WNK3: variants seen among roughly 807,000 people sequenced by gnomAD.
The protein encoded by WNK3 is serine/threonine-protein kinase WNK3.
A neutral mutation model predicts 116.7 loss-of-function variants in WNK3; 18 were observed. The observed-to-expected ratio is 0.15, with a 90% CI of 0.11 to 0.23. The LOEUF (loss-of-function observed/expected upper bound fraction) is 0.23. Among genes scored for constraint, WNK3 ranks in the 10% least tolerant of loss-of-function variants. The pLI is 1.00. For missense variants in WNK3, 993 were observed against 1,323.8 expected, an observed-to-expected ratio of 0.75 and a Z score of 3.88; for synonymous variants, 404 against 469.4, an observed-to-expected ratio of 0.86 and a Z score of 1.80.
chrX:54,348,376 CA>C (rs1353258568), intron 1 of WNK3, among the ~76,000 whole-genome samples: 4 of 111,013 alleles, frequency 3.6e-5, no homozygotes, highest in African/African-American at 1.3e-4. Flanking sequence ...GAGGTTTCAC[CA>C]TGTTGGCCAG....
intron 1 of WNK3, among the ~76,000 whole-genome samples, chrX:54,339,001 C>CAA (rs782133987): frequency 6.1e-4 from 25 of 41,280 alleles, no homozygotes; most frequent in African/African-American, 2.3e-3. Context: ...GACTCTGTCT[C>CAA]AAAAAAAAAA....
chrX:54,344,144 T>A (rs1403079576), intron 1 of WNK3, among the ~76,000 whole-genome samples: 1 of 112,434 alleles, frequency 8.9e-6, no homozygotes, highest in African/African-American at 3.2e-5. Context: ...GAAATAACAT[T>A]AATTAAAAGC....
chrX:54,216,216 T>C (rs1557145264), intron 22 of WNK3, among the ~76,000 whole-genome samples: 2 of 108,168 alleles, frequency 1.8e-5, no homozygotes. Context: ...CTGCTGACCT[T>C]CCCTCCACTA....
At chrX:54,346,692 T>C (rs1322238244) in intron 1 of WNK3, among the ~76,000 whole-genome samples, 1 of 110,171 alleles carries the variant, frequency 9.1e-6, no homozygotes, top group African/African-American at 3.3e-5. Flanking sequence ...TTGGAAGAGA[T>C]TTCGGGCAAA....
intron 2 of WNK3, among the ~76,000 whole-genome samples, chrX:54,330,182 G>A (rs782771124): frequency 1.8e-5 from 2 of 111,113 alleles, no homozygotes; most frequent in African/African-American, 3.3e-5. Context: ...GACCAGCCTG[G>A]CCAATATGGT....
At chrX:54,238,401 T>G in exon 19 of WNK3, 1 of 1,211,385 alleles carries the variant, frequency 8.3e-7, no homozygotes, top group Non-Finnish European at 1.1e-6. Flanking sequence ...AAAGCCCTAG[T>G]ATCAGCTGTG....
chrX:54,324,567 T>C (rs1325471850), intron 2 of WNK3, among the ~76,000 whole-genome samples: 14 of 112,289 alleles, frequency 1.2e-4, no homozygotes, highest in Non-Finnish European at 2.3e-4. Flanking sequence ...TAAACAGAGA[T>C]GAGAACATGT....
At chrX:54,268,693 T>C (rs1445644331) in intron 10 of WNK3, among the ~76,000 whole-genome samples, 22 of 109,924 alleles carry the variant, frequency 2.0e-4, no homozygotes, top group African/African-American at 6.9e-4. Flanking sequence ...CCATGAATGG[T>C]CCCCCAAATC....
chrX:54,326,708 G>C (rs1417024695), intron 2 of WNK3, among the ~76,000 whole-genome samples: 2 of 110,905 alleles, frequency 1.8e-5, no homozygotes, highest in African/African-American at 6.5e-5. Flanking sequence ...AATTATAGCC[G>C]GGTGCAGTGG....
intron 21 of WNK3, among the ~76,000 whole-genome samples, chrX:54,230,615 A>T (rs781998892): frequency 3.6e-5 from 4 of 112,181 alleles, no homozygotes; most frequent in East Asian, 5.6e-4. Context: ...GTTAGTTTTT[A>T]AAAAATGTTA....
chrX:54,246,226 A>G (rs1243036792), intron 17 of WNK3, among the ~76,000 whole-genome samples: 1 of 111,788 alleles, frequency 8.9e-6, no homozygotes, highest in East Asian at 2.8e-4. Flanking sequence ...ACAAAAATAT[A>G]TGCAAAAATA....
At chrX:54,308,747 T>C (rs782253951) in intron 4 of WNK3, among the ~76,000 whole-genome samples, 31 of 111,924 alleles carry the variant, frequency 2.8e-4, no homozygotes, top group African/African-American at 9.7e-4. Context: ...TACATTAGGA[T>C]GTCTCTGAAA....
At position 54,354,297 on chromosome X, in the gene WNK3, C is replaced by T. The variant is rs782024449; in HGVS notation, c.-120+3389G>A. 4.5e-5 allele frequency among the ~76,000 whole-genome samples: 5 copies of T among 111,704 alleles called. No individual in the cohort carries two copies. The South Asian group carries it at 1.5e-3, about 34-fold the overall frequency. The stretch of plus-strand genomic sequence containing the variant: ...CTTTCAGTCATCAAATATCTCCTAA[C>T]GGCATCATAAATGTTATGATCTCAA... On this transcript the variant is annotated intron_variant, in intron 1 of 23. Transcript: ENST00000354646.
intron 22 of WNK3, among the ~76,000 whole-genome samples, chrX:54,221,749 C>T (rs59204215): frequency 0.036 from 3,980 of 110,871 alleles, 183 homozygotes; most frequent in African/African-American, 0.12. Flanking sequence ...GCAGGAGAAT[C>T]GCTTGAACCC....
At chrX:54,238,809 AAAT>A (rs2067990908) in intron 18 of WNK3, 56 bp downstream of exon 18, 2 of 940,029 alleles carry the variant, frequency 2.1e-6, no homozygotes, top group African/African-American at 4.0e-5. Flanking sequence ...ACAACAAAAA[AAAT>A]AAGTAAATGA....
At chrX:54,258,151 G>C (rs2068215801) in intron 11 of WNK3, among the ~76,000 whole-genome samples, 1 of 106,319 alleles carries the variant, frequency 9.4e-6, no homozygotes, top group South Asian at 4.4e-4. Flanking sequence ...GGTGGTGCGA[G>C]CCTGTAATCC....
At chrX:54,283,541 G>C (rs782640352) in intron 10 of WNK3, among the ~76,000 whole-genome samples, 1 of 110,679 alleles carries the variant, frequency 9.0e-6, no homozygotes, top group African/African-American at 3.3e-5. Flanking sequence ...AGGCCGAGGC[G>C]GGTGGATCAC....
chrX:54,255,181 T>C (rs1209421915), intron 12 of WNK3, among the ~76,000 whole-genome samples: 3 of 111,204 alleles, frequency 2.7e-5, no homozygotes, highest in African/African-American at 9.8e-5. Context: ...GGTTTTATCA[T>C]ATTGGTCAGG....
chrX:54,197,824 T>C (rs1232566181), exon 24 of WNK3: 2 of 110,091 alleles, frequency 1.8e-5, no homozygotes, highest in East Asian at 2.8e-4. Flanking sequence ...AAGACAAACA[T>C]GTGAAGTGAA....
Sources: gnomAD v4.1 joint callset for allele counts (sites outside exome capture counted in the v4.1 genomes callset) on GRCh38, gnomAD v4.1.1 for gene constraint, MANE v1.5 for transcripts, NCBI Gene and HGNC (gene_info 2026-07-23, HGNC 2026-07-21) for gene names.